SPATA13: variants seen among roughly 807,000 people sequenced by gnomAD.
SPATA13 encodes the protein spermatogenesis-associated protein 13.
A neutral mutation model predicts 104.0 loss-of-function variants in SPATA13; 50 were observed. That is an observed-to-expected ratio of 0.48 (90% CI 0.38 to 0.61). The LOEUF (loss-of-function observed/expected upper bound fraction) is 0.61, where lower values mean the gene tolerates loss of function less well. Ranked by LOEUF, SPATA13 falls within the 20% of genes least tolerant of loss-of-function variation. The pLI is 0.00. For synonymous variants in SPATA13, 606 were observed against 667.5 expected, an observed-to-expected ratio of 0.91 and a Z score of 1.42; for missense variants, 1,524 against 1,690.6, an observed-to-expected ratio of 0.90 and a Z score of 1.73.
intron 1 of SPATA13, among the ~76,000 whole-genome samples, chr13:24,191,501 CTTTTTTTTTTTTTT>C (rs57437676): frequency 1.5e-5 from 1 of 67,422 alleles, no homozygotes; most frequent in Non-Finnish European, 2.8e-5. Context: ...ACATTGCTTT[CTTTTTTTTTTTTTT>C]TTTTTTTTTT....
Position 24,006,967 on chromosome 13 carries a change from C to A in SPATA13, c.-146-10700C>A, listed in dbSNP as rs138457724. On this transcript the variant is annotated intron_variant, in intron 2 of 14. Transcript: ENST00000424834. ...TCACAGTTTTGTCATTCTGGGCCAG[C>A]CTCCCCCATCCTGTGCACCCCTCCT... Among the ~76,000 whole-genome samples the A allele has an allele frequency of 7.7e-4, 117 of 152,314 alleles. 1 individual carries two copies. The Middle Eastern group carries it at 0.027, about 35-fold the overall frequency.
chr13:24,052,288 C>G (rs1878372853), intron 3 of SPATA13, among the ~76,000 whole-genome samples: 1 of 152,092 alleles, frequency 6.6e-6, no homozygotes, highest in South Asian at 2.1e-4. Context: ...ATTATAATCC[C>G]AGCAATTTGA....
chr13:24,258,994 G>A (rs1386002233), intron 4 of SPATA13, among the ~76,000 whole-genome samples: 4 of 152,196 alleles, frequency 2.6e-5, no homozygotes, highest in African/African-American at 9.7e-5. Flanking sequence ...CATCCTTGGG[G>A]TGGACCATCC....
chr13:24,264,305 C>A (rs992972907), intron 4 of SPATA13, among the ~76,000 whole-genome samples: 1 of 152,056 alleles, frequency 6.6e-6, no homozygotes, highest in Non-Finnish European at 1.5e-5. Flanking sequence ...TATTAAAAGT[C>A]AGAGGAAGGA....
intron 3 of SPATA13, among the ~76,000 whole-genome samples, chr13:24,097,718 C>T (rs1000481298): frequency 2.6e-5 from 4 of 152,162 alleles, no homozygotes; most frequent in Admixed American, 6.5e-5. Context: ...GGGAACCAAC[C>T]GGGTACCTGG....
intron 3 of SPATA13, among the ~76,000 whole-genome samples, chr13:24,105,575 A>G (rs1036530043): frequency 6.6e-5 from 10 of 152,180 alleles, no homozygotes; most frequent in African/African-American, 2.2e-4. Flanking sequence ...GAAAAAGAAA[A>G]GGGTGAGATT....
intron 2 of SPATA13, among the ~76,000 whole-genome samples, chr13:24,006,698 G>C (rs1443645942): frequency 2.0e-5 from 3 of 152,210 alleles, no homozygotes; most frequent in African/African-American, 7.2e-5. Context: ...GAGCTGGGGA[G>C]CTGAGTTGCA....
At chr13:24,249,406 A>C (rs893141409) in intron 2 of SPATA13, 71 bp from the exon 3 acceptor site, 2 of 1,444,930 alleles carry the variant, frequency 1.4e-6, no homozygotes, top group Non-Finnish European at 1.8e-6. Context: ...GGTGAGAGGG[A>C]ATGTATGGCT....
chr13:23,993,021 A>G (rs772286675), intron 2 of SPATA13, among the ~76,000 whole-genome samples: 1 of 152,230 alleles, frequency 6.6e-6, no homozygotes, highest in Non-Finnish European at 1.5e-5. Context: ...TCTGGGCATC[A>G]TATTATGTGC....
chr13:24,159,858 C>T (rs566788460), upstream of SPATA13, among the ~76,000 whole-genome samples: 4 of 152,248 alleles, frequency 2.6e-5, no homozygotes, highest in South Asian at 6.2e-4. Flanking sequence ...AATGAATCAT[C>T]TAAAAAACTA....
chr13:24,187,725 G>A (rs1387615062), intron 1 of SPATA13, among the ~76,000 whole-genome samples: 1 of 152,152 alleles, frequency 6.6e-6, no homozygotes, highest in Non-Finnish European at 1.5e-5. Context: ...ATATAAGATG[G>A]TAAACTTGAT....
At chr13:24,290,350 C>T (rs1876253614) in intron 8 of SPATA13, among the ~76,000 whole-genome samples, 1 of 152,184 alleles carries the variant, frequency 6.6e-6, no homozygotes, top group Non-Finnish European at 1.5e-5. Flanking sequence ...CCCTGCTCCC[C>T]ACCTTCCAGG....
chr13:24,167,426 G>A lies in SPATA13; in HGVS notation c.-112+6494G>A, dbSNP rs146616625. ...AGCTAATTCTGTAAGCTAATCCCAG[G>A]CAAAGATACAGAAGATGATGCTGCC... On this transcript the variant is annotated intron_variant, in intron 1 of 12. Coordinates refer to ENST00000382108, the MANE Select transcript of SPATA13 (RefSeq NM_001166271.3). Among the ~76,000 whole-genome samples the A allele has an allele frequency of 1.1e-4, 16 of 152,294 alleles. No individual in the cohort carries two copies. In the East Asian group the frequency reaches 2.7e-3, roughly 26 times the overall value.
Position 24,304,218 on chromosome 13 carries a change from G to A in SPATA13, c.*1445G>A. On this transcript the variant is annotated 3_prime_UTR_variant, in exon 13 of 13. Coordinates refer to ENST00000382108, the MANE Select transcript of SPATA13 (RefSeq NM_001166271.3). The stretch of plus-strand genomic sequence containing the variant: ...AAAAAGACCTTCACAAAATATCTTG[G>A]CTTAGAGATAGCAGTCTTTATTAAC... 6.6e-6 allele frequency: 1 copy of A among 152,188 alleles called. No homozygotes were observed. The highest frequency in any genetic ancestry group is 1.9e-4 in the East Asian group (1 of 5,202). The allele number at this position is 152,188 out of a possible 1,614,324, so 9.4% of individuals were successfully genotyped here.
intron 2 of SPATA13, among the ~76,000 whole-genome samples, chr13:24,010,274 G>A (rs1475782994): frequency 6.6e-6 from 1 of 152,168 alleles, no homozygotes; most frequent in East Asian, 1.9e-4. Flanking sequence ...GTGGGGCAGA[G>A]GAAGCAATCA....
intron 11 of SPATA13, among the ~76,000 whole-genome samples, chr13:24,298,728 G>A (rs539510302): frequency 2.0e-5 from 3 of 152,314 alleles, no homozygotes; most frequent in East Asian, 3.9e-4. Context: ...AAACCAGGAG[G>A]TGCTTTTTCT....
chr13:24,019,497 T>C (rs980622733), intron 3 of SPATA13, among the ~76,000 whole-genome samples: 3 of 152,270 alleles, frequency 2.0e-5, no homozygotes, highest in Non-Finnish European at 4.4e-5. Context: ...GTTTTGTTTG[T>C]GAACTTACAG....
chr13:24,222,895 AGCTG>A lies in SPATA13; in HGVS notation c.-34_-31del. On this transcript the variant is annotated 5_prime_UTR_variant, in exon 2 of 13. Transcript: ENST00000382108. Reference sequence around the variant, plus strand: ...GGCATTCCTGGAGATGAAGGCCTGGAGCTGCGGTCTGCGGACTCGGCAGTGCCCG... The same window carrying A: ...GGCATTCCTGGAGATGAAGGCCTGGACGGTCTGCGGACTCGGCAGTGCCCG... The A allele has an allele frequency of 6.5e-7, 1 of 1,549,826 alleles. No homozygotes were observed. The highest frequency in any genetic ancestry group is 8.7e-7 in the Non-Finnish European group (1 of 1,146,022).
At chr13:24,198,721 G>T (rs146580925) in intron 1 of SPATA13, among the ~76,000 whole-genome samples, 1 of 152,140 alleles carries the variant, frequency 6.6e-6, no homozygotes, top group Non-Finnish European at 1.5e-5. Flanking sequence ...CCAAGTCTGG[G>T]TCGTCCTGTG....
Sources: gnomAD v4.1 joint callset for allele counts (sites outside exome capture counted in the v4.1 genomes callset) on GRCh38, gnomAD v4.1.1 for gene constraint, MANE v1.5 for transcripts, NCBI Gene and HGNC (gene_info 2026-07-23, HGNC 2026-07-21) for gene names.